Variants in ADGRA3 observed in about 807,000 individuals in gnomAD.
ADGRA3 encodes adhesion G protein-coupled receptor A3, also known as G-protein coupled receptor 125.
Under a neutral mutation model 119.8 loss-of-function variants are expected in ADGRA3, and 56 were observed. The observed-to-expected ratio is 0.47, with a 90% CI of 0.38 to 0.58. The LOEUF (loss-of-function observed/expected upper bound fraction) is 0.58. Ranked by LOEUF, ADGRA3 falls within the 20% of genes least tolerant of loss-of-function variation. The pLI, the probability that ADGRA3 is intolerant of heterozygous loss-of-function variation, is 0.00. For synonymous variants in ADGRA3, 607 were observed against 623.8 expected (o/e 0.97, Z 0.40); for missense variants, 1,516 against 1,649.0 (o/e 0.92, Z 1.40).
rs181487743 is a variant in ADGRA3, at chr4:22,402,295, T to C, written c.2357+380A>G. Among the ~76,000 whole-genome samples, 156 of 152,200 alleles carry C rather than the reference T, an allele frequency of 1.0e-3. 1 individual carries two copies. Among genetic ancestry groups the C allele is most frequent in the African/African-American group, 3.7e-3 (152 of 41,544 alleles). On this transcript the variant is annotated intron_variant, in intron 15 of 18. Coordinates refer to ENST00000334304, the MANE Select transcript of ADGRA3 (RefSeq NM_145290.4). Reference sequence around the variant, plus strand: ...GAATATCATAATAGGCAAAAAGTCATAAAATAAGAGTAATAGTACAGTCTG... The same window carrying C: ...GAATATCATAATAGGCAAAAAGTCACAAAATAAGAGTAATAGTACAGTCTG...
chr4:22,391,641 C>A (rs1350385613), intron 17 of ADGRA3, among the ~76,000 whole-genome samples: 1 of 152,170 alleles, frequency 6.6e-6, no homozygotes, highest in Non-Finnish European at 1.5e-5. Context: ...TAAAATGACA[C>A]CATGTCAGGC....
At chr4:22,458,842 GA>G (rs1414769651) in intron 3 of ADGRA3, among the ~76,000 whole-genome samples, 2 of 152,136 alleles carry the variant, frequency 1.3e-5, no homozygotes, top group African/African-American at 4.8e-5. Flanking sequence ...ATAAAGTGCA[GA>G]ATGGGCAGAA....
intron 2 of ADGRA3, among the ~76,000 whole-genome samples, chr4:22,462,628 T>G (rs1014704043): frequency 3.9e-5 from 6 of 152,198 alleles, no homozygotes; most frequent in Non-Finnish European, 8.8e-5. Context: ...GGTTAGGTTT[T>G]CTATGAGGTG....
intron 14 of ADGRA3, 47 bp downstream of exon 14, chr4:22,413,106 ACACTTCATTTGAGCTTAATTATGCATAGC>A: frequency 3.5e-6 from 4 of 1,144,620 alleles, no homozygotes; most frequent in African/African-American, 1.6e-5. Context: ...AAACAAAAAA[ACACTTCATTTGAGCTTAATTATGCATAGC>A]AAAAATGTAG....
rs1715046535 is a variant in ADGRA3, at chr4:22,408,416, G to A, written c.2232+4766C>T. Reference sequence around the variant, plus strand: ...AAATCCAACAGGGAGCTCATATTCAGTACCCATATTAAGAAGTCCTATAAA... The same window carrying A: ...AAATCCAACAGGGAGCTCATATTCAATACCCATATTAAGAAGTCCTATAAA... On this transcript the variant is annotated intron_variant, in intron 14 of 18. Coordinates refer to ENST00000334304, the MANE Select transcript of ADGRA3 (RefSeq NM_145290.4). Among the ~76,000 whole-genome samples, 5 of 152,160 alleles carry A rather than the reference G, an allele frequency of 3.3e-5. No homozygotes were observed. The South Asian group carries it at 1.0e-3, about 32-fold the overall frequency.
chr4:22,458,058 T>G (rs28698249), intron 3 of ADGRA3, among the ~76,000 whole-genome samples: 1 of 152,022 alleles, frequency 6.6e-6, no homozygotes, highest in Non-Finnish European at 1.5e-5. Flanking sequence ...GGGAAAAAAA[T>G]AGATTGCAGG....
chr4:22,479,193 G>A (rs923157139), intron 1 of ADGRA3, among the ~76,000 whole-genome samples: 5 of 152,174 alleles, frequency 3.3e-5, no homozygotes, highest in African/African-American at 4.8e-5. Flanking sequence ...GCTGGGCACG[G>A]TGGCTCACGC....
chr4:22,465,138 T>C (rs559652604), intron 2 of ADGRA3, among the ~76,000 whole-genome samples: 40 of 152,328 alleles, frequency 2.6e-4, no homozygotes, highest in African/African-American at 9.4e-4. Context: ...CTATCAAGGA[T>C]TCCAAAATTT....
chr4:22,420,779 T>C, intron 12 of ADGRA3, 107 bp downstream of exon 12: 1 of 1,075,882 alleles, frequency 9.3e-7, no homozygotes, highest in Non-Finnish European at 1.4e-6. Flanking sequence ...ATACCTATCT[T>C]CCTGCAAAAA....
intron 1 of ADGRA3, among the ~76,000 whole-genome samples, chr4:22,511,703 C>T (rs1015231524): frequency 6.6e-6 from 1 of 152,014 alleles, no homozygotes; most frequent in African/African-American, 2.4e-5. Context: ...GACTCAGCCC[C>T]TACAGACTCC....
chr4:22,458,454 G>A (rs1221544347), intron 3 of ADGRA3, among the ~76,000 whole-genome samples: 1 of 152,138 alleles, frequency 6.6e-6, no homozygotes, highest in Non-Finnish European at 1.5e-5. Context: ...CTTTGTAAAT[G>A]TATTTCAATT....
At chr4:22,437,371 A>G (rs2109063700) in intron 8 of ADGRA3, among the ~76,000 whole-genome samples, 1 of 152,312 alleles carries the variant, frequency 6.6e-6, no homozygotes, top group South Asian at 2.1e-4. Context: ...ATTAACACCA[A>G]AGGGTTTTCC....
intron 1 of ADGRA3, among the ~76,000 whole-genome samples, chr4:22,498,052 C>T (rs1325927345): frequency 1.3e-5 from 2 of 151,212 alleles, no homozygotes; most frequent in Non-Finnish European, 2.9e-5. Flanking sequence ...ACCAGCCAGG[C>T]CAAAGTGGTG....
chr4:22,479,480 AAG>A (rs1553880291), intron 1 of ADGRA3, among the ~76,000 whole-genome samples: 4 of 151,862 alleles, frequency 2.6e-5, no homozygotes, highest in East Asian at 1.9e-4. Flanking sequence ...AAAAAAAAAA[AAG>A]AAGTCAGGAA....
intron 14 of ADGRA3, among the ~76,000 whole-genome samples, chr4:22,405,155 G>A (rs1457350954): frequency 6.6e-6 from 1 of 152,114 alleles, no homozygotes; most frequent in Non-Finnish European, 1.5e-5. Flanking sequence ...TAACAATATG[G>A]GGAGCTGGAT....
intron 14 of ADGRA3, among the ~76,000 whole-genome samples, chr4:22,410,177 G>A (rs1298031794): frequency 2.6e-5 from 4 of 152,142 alleles, no homozygotes; most frequent in Non-Finnish European, 5.9e-5. Context: ...ATTTTTAGGT[G>A]AACACAACAA....
At chr4:22,396,960 T>C (rs2109000124) in intron 16 of ADGRA3, among the ~76,000 whole-genome samples, 1 of 152,288 alleles carries the variant, frequency 6.6e-6, no homozygotes, top group Non-Finnish European at 1.5e-5. Flanking sequence ...AAGAAATCAA[T>C]GAATACTTTT....
Position 22,411,403 on chromosome 4 carries a change from A to G in ADGRA3, c.2232+1779T>C, listed in dbSNP as rs1044863851. Among the ~76,000 whole-genome samples the G allele has an allele frequency of 3.3e-5, 5 of 152,238 alleles. No individual in the cohort carries two copies. In the South Asian group the frequency reaches 1.0e-3, roughly 32 times the overall value. On this transcript the variant is annotated intron_variant, in intron 14 of 18. Transcript: ENST00000334304. ...CACTTGAGTCCAGGAGATCAAGACC[A>G]GCCTGGGAAACATGGCAAAACCCAG... is the stretch of plus-strand genomic sequence containing the variant.
In ADGRA3 at chr4:22,392,550, C is replaced by T. The variant is rs1270912911; in HGVS notation, c.2622G>A (p.Met874Ile). The change falls in exon 17 of 19, where the codon ATG (methionine) becomes ATA (isoleucine). Residue 874 changes from methionine (M) to isoleucine (I), a missense_variant. Met to Ile is a conservative substitution (Grantham distance 10). Coordinates refer to ENST00000334304, the MANE Select transcript of ADGRA3 (RefSeq NM_145290.4). ...ACAACAAAGATATGAGATACCTGAGCATTGGTCTTGGTGGAGGTGGTGGTT... is the reference window on the plus strand; with the variant it reads ...ACAACAAAGATATGAGATACCTGAGTATTGGTCTTGGTGGAGGTGGTGGTT... The part of the protein sequence containing the change: ...PDEPPPPPRP[M>I]LRFYLIGGGI... The T allele has an allele frequency of 6.2e-7, 1 of 1,613,654 alleles. No homozygotes were observed. Among genetic ancestry groups the T allele is most frequent in the Non-Finnish European group, 8.5e-7 (1 of 1,179,786 alleles).
Sources: gnomAD v4.1 joint callset for allele counts (sites outside exome capture counted in the v4.1 genomes callset) on GRCh38, gnomAD v4.1.1 for gene constraint, MANE v1.5 for transcripts, NCBI Gene and HGNC (gene_info 2026-07-23, HGNC 2026-07-21) for gene names.